RNF180: variants seen among roughly 807,000 people sequenced by gnomAD.
The protein encoded by RNF180 is E3 ubiquitin-protein ligase RNF180.
In RNF180, 38 loss-of-function variants were observed where a neutral mutation model predicts 59.2. The ratio of observed to expected loss-of-function variants is 0.64; its 90% CI spans 0.50 to 0.84. RNF180 has a LOEUF of 0.84. RNF180 is among the 40% of genes least tolerant of loss of function. The probability of loss-of-function intolerance (pLI) is 0.00; values close to 1 mark genes in which losing one functional copy is unlikely to be tolerated. For missense variants in RNF180, 705 were observed against 700.9 expected (o/e 1.01, Z -0.07); for synonymous variants, 262 against 240.3 (o/e 1.09, Z -0.84).
intron 7 of RNF180, among the ~76,000 whole-genome samples, chr5:64,344,692 A>G (rs889622871): frequency 6.6e-6 from 1 of 152,074 alleles, no homozygotes; most frequent in Non-Finnish European, 1.5e-5. Context: ...TACTTCCTGT[A>G]CTGTAGCACA....
chr5:64,184,512 C>T (rs1264303716), intron 1 of RNF180, among the ~76,000 whole-genome samples: 1 of 152,096 alleles, frequency 6.6e-6, no homozygotes, highest in Non-Finnish European at 1.5e-5. Context: ...TTTTTGCTCA[C>T]CAACTATTTG....
At chr5:64,323,559 G>T (rs1050725580) in intron 5 of RNF180, among the ~76,000 whole-genome samples, 3 of 150,656 alleles carry the variant, frequency 2.0e-5, no homozygotes, top group Non-Finnish European at 2.9e-5. Context: ...AATAATAATA[G>T]AATATAATAA....
At chr5:64,277,097 T>G in intron 5 of RNF180, among the ~76,000 whole-genome samples, 1 of 150,786 alleles carries the variant, frequency 6.6e-6, no homozygotes, top group Admixed American at 6.6e-5. Context: ...GTTTAAACCC[T>G]AATCCCCAAT....
chr5:64,296,588 T>C (rs1200392885), intron 5 of RNF180, among the ~76,000 whole-genome samples: 1 of 151,870 alleles, frequency 6.6e-6, no homozygotes, highest in Non-Finnish European at 1.5e-5. Context: ...TTCAGAAGAA[T>C]CTCAGTAGGA....
chr5:64,316,255 A>C (rs1039519686), intron 5 of RNF180, among the ~76,000 whole-genome samples: 1 of 152,130 alleles, frequency 6.6e-6, no homozygotes, highest in African/African-American at 2.4e-5. Context: ...AATCCTCTGA[A>C]AGGGTCTTTT....
intron 5 of RNF180, among the ~76,000 whole-genome samples, chr5:64,277,165 G>A: frequency 6.9e-6 from 1 of 144,014 alleles, no homozygotes; most frequent in African/African-American, 2.6e-5. Flanking sequence ...TAATACAATA[G>A]GATGGGTGGT....
chr5:64,298,985 C>G lies in RNF180; in HGVS notation c.1228-26201C>G, dbSNP rs189036235. On this transcript the variant is annotated intron_variant, in intron 5 of 7. Transcript: ENST00000389100. ...ATTTTATTTGACAAAATCCTAAGCC[C>G]CAAGGTGATGGTGTTGTTAGTATGG... Among the ~76,000 whole-genome samples, 221 of 151,976 alleles carry G rather than the reference C, an allele frequency of 1.5e-3. 1 individual carries two copies. Among genetic ancestry groups the G allele is most frequent in the African/African-American group, 5.1e-3 (210 of 41,474 alleles).
intron 7 of RNF180, among the ~76,000 whole-genome samples, chr5:64,332,088 T>C (rs1744936646): frequency 6.6e-6 from 1 of 152,148 alleles, no homozygotes; most frequent in South Asian, 2.1e-4. Context: ...ATTCTGCACC[T>C]GGCTTGCACT....
intron 5 of RNF180, among the ~76,000 whole-genome samples, chr5:64,226,960 C>T (rs913265894): frequency 6.6e-6 from 1 of 152,180 alleles, no homozygotes; most frequent in African/African-American, 2.4e-5. Context: ...CTTTAGAAAA[C>T]ATGATTAAAG....
At chr5:64,343,858 T>C (rs1165552171) in intron 7 of RNF180, among the ~76,000 whole-genome samples, 4 of 151,554 alleles carry the variant, frequency 2.6e-5, no homozygotes, top group African/African-American at 4.8e-5. Context: ...GGTAGCTCTT[T>C]AGGGCAAAAG....
chr5:64,248,961 G>A (rs1051423133), intron 5 of RNF180, among the ~76,000 whole-genome samples: 14 of 152,094 alleles, frequency 9.2e-5, no homozygotes, highest in Non-Finnish European at 1.8e-4. Flanking sequence ...CCAGGGACGA[G>A]GATGAAGCTG....
chr5:64,194,324 G>A (rs1201017522), intron 1 of RNF180, among the ~76,000 whole-genome samples: 1 of 152,152 alleles, frequency 6.6e-6, no homozygotes, highest in Admixed American at 6.5e-5. Flanking sequence ...TCCCTACAAA[G>A]GACAAGAACT....
At chr5:64,203,216 G>A (rs1262687135) in intron 2 of RNF180, among the ~76,000 whole-genome samples, 1 of 152,166 alleles carries the variant, frequency 6.6e-6, no homozygotes, top group Admixed American at 6.5e-5. Context: ...GCCAACCAGT[G>A]TAGCCTGATC....
In RNF180 at chr5:64,370,487, C is replaced by T. The variant is rs990497049; in HGVS notation, c.*673C>T. The T allele has an allele frequency of 6.6e-6, 1 of 151,666 alleles. No homozygotes were observed. The highest frequency in any genetic ancestry group is 2.4e-5 in the African/African-American group (1 of 41,374). 9.4% of individuals were successfully genotyped at this position (151,666 alleles called of 1,614,324 possible). ...ACACTTTCCAGATTGAAGGATTAATCACCAGAAGACATGAAAAATTTACCG... is the reference window on the plus strand; with the variant it reads ...ACACTTTCCAGATTGAAGGATTAATTACCAGAAGACATGAAAAATTTACCG... On this transcript the variant is annotated 3_prime_UTR_variant, in exon 8 of 8. Transcript: ENST00000389100.
chr5:64,240,765 T>G (rs961134788), intron 5 of RNF180, among the ~76,000 whole-genome samples: 2 of 152,216 alleles, frequency 1.3e-5, no homozygotes, highest in Admixed American at 6.5e-5. Context: ...GGTATCCACA[T>G]AAGTCCCTTA....
chr5:64,213,518 T>C, intron 3 of RNF180, 40 bp from the exon 4 acceptor site: 1 of 1,535,906 alleles, frequency 6.5e-7, no homozygotes, highest in Non-Finnish European at 8.8e-7. Flanking sequence ...AGTTACTTTA[T>C]AATGAAAGCA....
chr5:64,178,202 C>CAA (rs67465847), intron 1 of RNF180, among the ~76,000 whole-genome samples: 9 of 86,808 alleles, frequency 1.0e-4, no homozygotes, highest in East Asian at 3.4e-4. Flanking sequence ...GACTCCATCT[C>CAA]AAAAAAAAAA....
chr5:64,217,700 G>A (rs1233155902), intron 5 of RNF180: 1 of 219,950 alleles, frequency 4.5e-6, no homozygotes, highest in Non-Finnish European at 8.4e-6. Flanking sequence ...TATAATCCCA[G>A]CACTTTTGAG....
rs546115516 is a variant in RNF180, at chr5:64,214,146, A to C, written c.820A>C (p.Ser274Arg). The change falls in exon 4 of 8, where the codon AGT becomes CGT. Residue 274 changes from serine to arginine, a missense_variant. Physicochemically the swap from Ser to Arg is moderately radical, Grantham distance 110 (BLOSUM62 -1). Coordinates refer to ENST00000389100, the MANE Select transcript of RNF180 (RefSeq NM_001113561.2). ...CCTTTCAGGCTTGCCTTTACAATCT[A>C]GTAAAAATAGCTATTCCTTTCAGAA... is the stretch of plus-strand genomic sequence containing the variant. ...IDLSGLPLQS[S>R]KNSYSFQNPS... The C allele has an allele frequency of 6.2e-7, 1 of 1,614,060 alleles. No homozygotes were observed. The highest frequency in any genetic ancestry group is 1.3e-5 in the African/African-American group (1 of 74,942).
Sources: gnomAD v4.1 joint callset for allele counts (sites outside exome capture counted in the v4.1 genomes callset) on GRCh38, gnomAD v4.1.1 for gene constraint, MANE v1.5 for transcripts, NCBI Gene and HGNC (gene_info 2026-07-23, HGNC 2026-07-21) for gene names.